AGBL1: variants seen among roughly 807,000 people sequenced by gnomAD.
The protein encoded by AGBL1 is AGBL carboxypeptidase 1.
A neutral mutation model predicts 118.9 loss-of-function variants in AGBL1; 130 were observed. The ratio of observed to expected loss-of-function variants is 1.09; its 90% CI spans 0.95 to 1.26. AGBL1 has a LOEUF of 1.26. AGBL1 is among the 50% of genes most tolerant of loss of function. The pLI is 0.00. For missense variants in AGBL1, 1,584 were observed against 1,298.1 expected, an observed-to-expected ratio of 1.22 and a Z score of -3.38; for synonymous variants, 555 against 478.9, an observed-to-expected ratio of 1.16 and a Z score of -2.08.
intron 5 of AGBL1, among the ~76,000 whole-genome samples, chr15:86,195,573 C>G (rs1175449955): frequency 6.6e-6 from 1 of 152,116 alleles, no homozygotes; most frequent in Non-Finnish European, 1.5e-5. Context: ...TAAAAGTCTG[C>G]AAATCATCTG....
chr15:87,008,115 T>C (rs530596545), intron 24 of AGBL1, among the ~76,000 whole-genome samples: 17 of 152,144 alleles, frequency 1.1e-4, no homozygotes, highest in Non-Finnish European at 2.2e-4. Context: ...TCTAAGCACG[T>C]CTGTGGGAGT....
chr15:86,271,742 C>T (rs377632729), intron 15 of AGBL1, 36 bp downstream of exon 15: 1 of 1,547,954 alleles, frequency 6.5e-7, no homozygotes, highest in Non-Finnish European at 8.9e-7. Flanking sequence ...TTTTCTCTGT[C>T]CTGTAATTTT....
intron 15 of AGBL1, 87 bp downstream of exon 15, chr15:86,271,793 C>A: frequency 7.9e-7 from 1 of 1,264,596 alleles, no homozygotes; most frequent in Non-Finnish European, 1.1e-6. Flanking sequence ...TTATAAACAT[C>A]AGCAATCTGT....
intron 22 of AGBL1, among the ~76,000 whole-genome samples, chr15:86,707,565 C>G (rs1423276818): frequency 6.6e-6 from 1 of 152,116 alleles, no homozygotes; most frequent in African/African-American, 2.4e-5. Context: ...GCATGCTTTC[C>G]TCTCATACCT....
At chr15:86,810,369 A>C (rs2078771341) in intron 22 of AGBL1, among the ~76,000 whole-genome samples, 1 of 152,018 alleles carries the variant, frequency 6.6e-6, no homozygotes, top group Non-Finnish European at 1.5e-5. Context: ...AGGGAGAATG[A>C]CCCTTTCACC....
At chr15:86,093,367 A>C (rs886859820) in intron 1 of AGBL1, among the ~76,000 whole-genome samples, 8 of 152,204 alleles carry the variant, frequency 5.3e-5, no homozygotes, top group Admixed American at 2.0e-4. Context: ...CAAGTGATTT[A>C]AAAACCAGGC....
intron 5 of AGBL1, among the ~76,000 whole-genome samples, chr15:86,210,059 C>G (rs535387027): frequency 9.9e-5 from 15 of 152,262 alleles, no homozygotes; most frequent in Admixed American, 7.8e-4. Context: ...GATTTTATTT[C>G]TCCTTCACTT....
intron 19 of AGBL1, among the ~76,000 whole-genome samples, chr15:86,537,746 C>A (rs866724656): frequency 2.2e-4 from 33 of 152,314 alleles, no homozygotes; most frequent in African/African-American, 2.9e-4. Context: ...GGTCCATCTG[C>A]AAGTTGCTTA....
chr15:86,279,589 C>A, intron 15 of AGBL1, 50 bp from the exon 16 acceptor site: 1 of 1,574,972 alleles, frequency 6.3e-7, no homozygotes, highest in Non-Finnish European at 8.7e-7. Context: ...ACCCTGCACC[C>A]CCCTCCCACC....
At chr15:86,203,211 G>A (rs562168641) in intron 5 of AGBL1, among the ~76,000 whole-genome samples, 2 of 152,272 alleles carry the variant, frequency 1.3e-5, no homozygotes, top group Admixed American at 6.5e-5. Flanking sequence ...AGAGGATCAG[G>A]AAATGCTTCA....
chr15:86,535,251 G>A (rs912534222), intron 19 of AGBL1, among the ~76,000 whole-genome samples: 1 of 152,174 alleles, frequency 6.6e-6, no homozygotes, highest in Admixed American at 6.5e-5. Flanking sequence ...CCAAAGAAGC[G>A]GACAAGCTCT....
intron 3 of AGBL1, among the ~76,000 whole-genome samples, chr15:86,153,305 T>C: frequency 6.6e-6 from 1 of 152,194 alleles, no homozygotes; most frequent in Non-Finnish European, 1.5e-5. Flanking sequence ...ATGTGGCACA[T>C]ATACCCCATG....
chr15:86,868,374 C>G (rs2079666680), intron 22 of AGBL1, among the ~76,000 whole-genome samples: 1 of 152,186 alleles, frequency 6.6e-6, no homozygotes, highest in Admixed American at 6.5e-5. Flanking sequence ...TTGGGTCTTT[C>G]TAGATGAGAA....
chr15:86,985,176 A>G (rs2081269633), intron 23 of AGBL1, among the ~76,000 whole-genome samples: 1 of 152,166 alleles, frequency 6.6e-6, no homozygotes, highest in Non-Finnish European at 1.5e-5. Context: ...GTTTTTGCTT[A>G]TTGTGAATAA....
chr15:86,845,023 C>A (rs192591374), intron 22 of AGBL1, among the ~76,000 whole-genome samples: 1 of 152,006 alleles, frequency 6.6e-6, no homozygotes, highest in African/African-American at 2.4e-5. Flanking sequence ...TTATTCTAAT[C>A]TTTGATTGGT....
rs17626297 is a variant in AGBL1 at position 86,613,215 on chromosome 15, A to C, written c.2994+58678A>C. ...TGGTTTACAGGTACCTTAAAGAAGA[A>C]AACAAATTAAAGCAGGAATCGGAGC... On this transcript the variant is annotated intron_variant, in intron 21 of 22. Coordinates refer to ENST00000614907, the MANE Select transcript of AGBL1 (RefSeq NM_001386094.1). This position sits in a 1 kb window ranked among gnomAD's most constrained non-coding sequence, Gnocchi z 4.2. Among the ~76,000 whole-genome samples the C allele has an allele frequency of 0.36, 54,689 of 152,104 alleles. 10,775 individuals carry two copies. Among genetic ancestry groups the C allele is most frequent in the Middle Eastern group, 0.47 (137 of 294 alleles).
chr15:86,720,598 T>A (rs558367787), intron 22 of AGBL1, among the ~76,000 whole-genome samples: 3 of 152,266 alleles, frequency 2.0e-5, no homozygotes, highest in South Asian at 4.1e-4. Context: ...GTCAGGACTA[T>A]AGTGGGCAAC....
chr15:86,537,170 A>G (rs1213638900), intron 19 of AGBL1, among the ~76,000 whole-genome samples: 1 of 152,192 alleles, frequency 6.6e-6, no homozygotes, highest in Admixed American at 6.5e-5. Context: ...ATAGGTCAGT[A>G]TTCAGTCCCC....
chr15:86,469,445 G>T (rs542104963), intron 18 of AGBL1, among the ~76,000 whole-genome samples: 2 of 152,134 alleles, frequency 1.3e-5, no homozygotes, highest in East Asian at 3.9e-4. Flanking sequence ...TTCATTGTAT[G>T]TATGTATGGG....
Sources: gnomAD v4.1 joint callset for allele counts (sites outside exome capture counted in the v4.1 genomes callset) on GRCh38, gnomAD v4.1.1 for gene constraint, Gnocchi (gnomAD v3.1) non-coding constraint, MANE v1.5 for transcripts, NCBI Gene and HGNC (gene_info 2026-07-23, HGNC 2026-07-21) for gene names.